Variants in SLC8A1 observed in about 807,000 individuals in gnomAD.
The protein encoded by SLC8A1 is solute carrier family 8 member A1, also known as sodium/calcium exchanger 1.
In SLC8A1, 18 loss-of-function variants were observed where a neutral mutation model predicts 68.3. The observed-to-expected ratio is 0.26, with a 90% CI of 0.18 to 0.39. The LOEUF is 0.39. Ranked by LOEUF, SLC8A1 falls within the 10% of genes least tolerant of loss-of-function variation. SLC8A1 has a pLI of 1.00. For synonymous variants in SLC8A1, 475 were observed against 415.5 expected, an observed-to-expected ratio of 1.14 and a Z score of -1.74; for missense variants, 985 against 1,156.7, an observed-to-expected ratio of 0.85 and a Z score of 2.15.
intron 2 of SLC8A1, among the ~76,000 whole-genome samples, chr2:40,269,537 A>G (rs150060997): frequency 0.14 from 20,852 of 152,196 alleles, 2,183 homozygotes; most frequent in East Asian, 0.56. Context: ...AGAACCCTTT[A>G]TTTCCCATAG....
exon 8 of SLC8A1, chr2:40,099,051 A>G (rs1027589567): frequency 6.6e-6 from 1 of 152,014 alleles, no homozygotes; most frequent in Non-Finnish European, 1.5e-5. Context: ...ATTTTTTTGA[A>G]CCTTCAATTC....
At chr2:40,350,651 CTA>C (rs374378739) in intron 2 of SLC8A1, among the ~76,000 whole-genome samples, 4 of 128,674 alleles carry the variant, frequency 3.1e-5, no homozygotes, top group African/African-American at 8.6e-5. Context: ...AATTATTACT[CTA>C]TGTGTAAATT....
At chr2:40,293,025 T>C (rs906555272) in intron 2 of SLC8A1, among the ~76,000 whole-genome samples, 1 of 152,164 alleles carries the variant, frequency 6.6e-6, no homozygotes, top group African/African-American at 2.4e-5. Flanking sequence ...GAGGCCTTCT[T>C]TCCCTTCTTA....
chr2:40,101,304 A>C (rs924029122), exon 8 of SLC8A1: 2 of 152,166 alleles, frequency 1.3e-5, no homozygotes, highest in African/African-American at 4.8e-5. Flanking sequence ...ACTCATAGCC[A>C]GCAATCCTTT....
intron 6 of SLC8A1, among the ~76,000 whole-genome samples, chr2:40,145,062 C>G (rs1317668705): frequency 6.6e-6 from 1 of 152,192 alleles, no homozygotes; most frequent in Non-Finnish European, 1.5e-5. Context: ...ACCTATGTCT[C>G]TCATTGCCTG....
chr2:40,475,732 T>C (rs959685424), intron 1 of SLC8A1, among the ~76,000 whole-genome samples: 1 of 152,044 alleles, frequency 6.6e-6, no homozygotes, highest in Middle Eastern at 3.4e-3. Context: ...AAAATAAAGC[T>C]CTTTAGTTGC....
chr2:40,389,702 T>A (rs1684681932), intron 2 of SLC8A1, among the ~76,000 whole-genome samples: 15 of 151,932 alleles, frequency 9.9e-5, no homozygotes, highest in Admixed American at 9.9e-4. Flanking sequence ...CCCATGTCAG[T>A]TGTGGGTCTC....
At chr2:40,484,231 G>A (rs987073826) in intron 1 of SLC8A1, among the ~76,000 whole-genome samples, 1 of 152,194 alleles carries the variant, frequency 6.6e-6, no homozygotes, top group African/African-American at 2.4e-5. Flanking sequence ...CTTTGAGACT[G>A]TGTTGACAGT....
At chr2:40,349,947 G>A (rs760041590) in intron 2 of SLC8A1, among the ~76,000 whole-genome samples, 2 of 151,980 alleles carry the variant, frequency 1.3e-5, no homozygotes, top group South Asian at 2.1e-4. Flanking sequence ...TATTAAAATG[G>A]AGCTCCAAAT....
intron 1 of SLC8A1, among the ~76,000 whole-genome samples, chr2:40,478,173 TG>T (rs1704407141): frequency 1.3e-5 from 2 of 152,162 alleles, no homozygotes; most frequent in Admixed American, 1.3e-4. Flanking sequence ...ATAAAACCCT[TG>T]TTCACCCAGT....
chr2:40,368,448 GT>G (rs1282034172), intron 2 of SLC8A1, among the ~76,000 whole-genome samples: 18 of 151,862 alleles, frequency 1.2e-4, no homozygotes, highest in Non-Finnish European at 2.6e-4. Context: ...TCAGTTATCT[GT>G]TTAATGTTTT....
chr2:40,302,412 C>A (rs2071666698), intron 2 of SLC8A1, among the ~76,000 whole-genome samples: 1 of 147,294 alleles, frequency 6.8e-6, no homozygotes, highest in African/African-American at 2.5e-5. Context: ...TAATTCATTC[C>A]TTTTTATGGC....
intron 1 of SLC8A1, among the ~76,000 whole-genome samples, chr2:40,481,544 T>C (rs746938127): frequency 3.3e-5 from 5 of 152,206 alleles, no homozygotes; most frequent in Non-Finnish European, 5.9e-5. Flanking sequence ...CTGATAACTG[T>C]TAGATCCTTC....
intron 2 of SLC8A1, among the ~76,000 whole-genome samples, chr2:40,378,870 C>T (rs543574454): frequency 1.2e-4 from 18 of 152,110 alleles, no homozygotes; most frequent in Non-Finnish European, 2.5e-4. Flanking sequence ...GAGAGGTCTT[C>T]TTTGACCATA....
At chr2:40,433,559 C>T (rs1421269848) in intron 1 of SLC8A1, among the ~76,000 whole-genome samples, 1 of 152,116 alleles carries the variant, frequency 6.6e-6, no homozygotes, top group Non-Finnish European at 1.5e-5. Context: ...CATTATAGTC[C>T]ATGAGAACAG....
chr2:40,489,260 T>C (rs1705168019), intron 1 of SLC8A1, among the ~76,000 whole-genome samples: 1 of 152,090 alleles, frequency 6.6e-6, no homozygotes. Context: ...TCACAATCTG[T>C]AAAACAAAGG....
intron 1 of SLC8A1, among the ~76,000 whole-genome samples, chr2:40,497,085 T>C (rs1705759271): frequency 6.6e-6 from 1 of 151,528 alleles, no homozygotes; most frequent in Admixed American, 6.6e-5. Context: ...AAAAAAAAAA[T>C]CTGTTTAGAA....
At chr2:40,122,206 G>GCGCACA (rs1553339125) in intron 7 of SLC8A1, among the ~76,000 whole-genome samples, 1 of 124,464 alleles carries the variant, frequency 8.0e-6, no homozygotes. Context: ...ATGCGCGCGC[G>GCGCACA]CACACACACA....
chr2:40,164,824 G>A (rs769914657), intron 5 of SLC8A1, 30 bp downstream of exon 8: 4 of 1,612,028 alleles, frequency 2.5e-6, no homozygotes, highest in East Asian at 4.5e-5. Context: ...GGTGAGACTG[G>A]CTCCTGGTGG....
Sources: gnomAD v4.1 joint callset for allele counts (sites outside exome capture counted in the v4.1 genomes callset) on GRCh38, gnomAD v4.1.1 for gene constraint, MANE v1.5 for transcripts, NCBI Gene and HGNC (gene_info 2026-07-23, HGNC 2026-07-21) for gene names.